Variants in TRABD2B observed in about 807,000 individuals in gnomAD.
TRABD2B encodes the protein TraB domain containing 2B, also known as metalloprotease TIKI2.
Under a neutral mutation model 40.1 loss-of-function variants are expected in TRABD2B, and 14 were observed. The observed-to-expected ratio is 0.35, with a 90% CI of 0.23 to 0.55. The LOEUF (loss-of-function observed/expected upper bound fraction) is 0.55. Ranked by LOEUF, TRABD2B falls within the 20% of genes least tolerant of loss-of-function variation. TRABD2B has a pLI of 0.90. For synonymous variants in TRABD2B, 263 were observed against 277.0 expected (o/e 0.95, Z 0.50); for missense variants, 541 against 648.6 (o/e 0.83, Z 1.80).
At chr1:47,809,490 GC>G (rs1374240514) in intron 2 of TRABD2B, among the ~76,000 whole-genome samples, 2 of 152,210 alleles carry the variant, frequency 1.3e-5, no homozygotes, top group African/African-American at 4.8e-5. Context: ...AGCTGCGCCT[GC>G]TAGACCCTGG....
At chr1:47,905,304 G>T (rs915061779) in intron 2 of TRABD2B, among the ~76,000 whole-genome samples, 1 of 152,222 alleles carries the variant, frequency 6.6e-6, no homozygotes, top group East Asian at 1.9e-4. Flanking sequence ...CTACTATGGC[G>T]TGAGGAGCAA....
intron 2 of TRABD2B, among the ~76,000 whole-genome samples, chr1:47,898,258 C>T (rs548508486): frequency 1.1e-4 from 16 of 152,326 alleles, no homozygotes; most frequent in Non-Finnish European, 2.1e-4. Context: ...CAACCTCCCC[C>T]ATTCCCAGAG....
chr1:47,904,926 TC>T (rs1237617446), intron 2 of TRABD2B, among the ~76,000 whole-genome samples: 1 of 152,204 alleles, frequency 6.6e-6, no homozygotes, highest in East Asian at 1.9e-4. Flanking sequence ...TCAGTATGCC[TC>T]CCTAAAAATT....
chr1:47,914,216 T>A (rs1368715443), intron 2 of TRABD2B, among the ~76,000 whole-genome samples: 2 of 152,244 alleles, frequency 1.3e-5, no homozygotes, highest in Non-Finnish European at 2.9e-5. Context: ...TACAAATACC[T>A]TCCTTTGCAG....
intron 6 of TRABD2B, among the ~76,000 whole-genome samples, chr1:47,767,883 T>C (rs1644326651): frequency 6.6e-6 from 1 of 152,202 alleles, no homozygotes; most frequent in African/African-American, 2.4e-5. Flanking sequence ...GGTGACAGCC[T>C]GTAATCACCA....
At chr1:47,955,274 G>A (rs541031547) in intron 2 of TRABD2B, among the ~76,000 whole-genome samples, 11 of 152,060 alleles carry the variant, frequency 7.2e-5, no homozygotes, top group Admixed American at 3.9e-4. Context: ...ACCTTCTCCC[G>A]CTGTTTCTAG....
At chr1:47,776,043 G>A (rs1335158636) in intron 5 of TRABD2B, among the ~76,000 whole-genome samples, 3 of 152,112 alleles carry the variant, frequency 2.0e-5, no homozygotes, top group African/African-American at 7.2e-5. Context: ...GCTGTGAAAT[G>A]GGGGTGTTGC....
chr1:47,815,760 A>C (rs904837586), intron 2 of TRABD2B, among the ~76,000 whole-genome samples: 3 of 152,132 alleles, frequency 2.0e-5, no homozygotes, highest in African/African-American at 4.8e-5. Context: ...ATGTGTGTGC[A>C]CACATGTGTG....
intron 5 of TRABD2B, among the ~76,000 whole-genome samples, chr1:47,778,203 G>A (rs1422823591): frequency 2.0e-5 from 3 of 152,194 alleles, no homozygotes; most frequent in African/African-American, 7.2e-5. Flanking sequence ...CCCACCATCT[G>A]TAAATCATAA....
intron 2 of TRABD2B, among the ~76,000 whole-genome samples, chr1:47,855,427 G>A (rs907668897): frequency 6.6e-6 from 1 of 152,216 alleles, no homozygotes; most frequent in East Asian, 1.9e-4. Context: ...ATGCACATAT[G>A]TGCATAAACA....
chr1:47,796,310 T>A (rs1644747413), intron 3 of TRABD2B, among the ~76,000 whole-genome samples: 1 of 152,202 alleles, frequency 6.6e-6, no homozygotes. Context: ...CCTCTTCCAC[T>A]TCTCTATCTT....
chr1:47,954,925 G>A (rs759597518), intron 2 of TRABD2B, among the ~76,000 whole-genome samples: 2 of 152,004 alleles, frequency 1.3e-5, no homozygotes, highest in South Asian at 2.1e-4. Context: ...CTGTGGCTTC[G>A]GCTCTGCCCA....
chr1:47,801,728 G>T (rs1644826535), intron 2 of TRABD2B, 109 bp from the exon 3 acceptor site: 1 of 1,347,388 alleles, frequency 7.4e-7, no homozygotes, highest in Admixed American at 2.4e-5. Context: ...CTGAAACAGA[G>T]AAGGTGTGTG....
At chr1:47,802,887 C>A (rs1159818220) in intron 2 of TRABD2B, among the ~76,000 whole-genome samples, 1 of 152,212 alleles carries the variant, frequency 6.6e-6, no homozygotes, top group East Asian at 1.9e-4. Flanking sequence ...CTCCCACCTG[C>A]AGGCTAAAGG....
chr1:47,858,208 ATTTTAT>A (rs1392269353), intron 2 of TRABD2B, among the ~76,000 whole-genome samples: 13 of 1,688 alleles, frequency 7.7e-3, no homozygotes, highest in African/African-American at 9.4e-3. Flanking sequence ...ATTTTACTTT[ATTTTAT>A]TTTATTTTAT....
At chr1:47,768,453 A>G (rs769113549) in intron 6 of TRABD2B, among the ~76,000 whole-genome samples, 5 of 151,964 alleles carry the variant, frequency 3.3e-5, no homozygotes, top group Non-Finnish European at 5.9e-5. Flanking sequence ...TGGTTCTCTC[A>G]ACACATACCA....
At chr1:47,779,369 T>C (rs1644490078) in intron 4 of TRABD2B, among the ~76,000 whole-genome samples, 1 of 152,208 alleles carries the variant, frequency 6.6e-6, no homozygotes, top group African/African-American at 2.4e-5. Flanking sequence ...CTGGCCTCCA[T>C]GTCAGTCCCC....
intron 2 of TRABD2B, among the ~76,000 whole-genome samples, chr1:47,841,171 A>G (rs1645391420): frequency 6.6e-6 from 1 of 152,146 alleles, no homozygotes. Flanking sequence ...CTCTCTCTCC[A>G]TAGCAGTAAA....
At chr1:47,995,923 C>T (rs1646084494) in intron 1 of TRABD2B, among the ~76,000 whole-genome samples, 1 of 152,168 alleles carries the variant, frequency 6.6e-6, no homozygotes, top group South Asian at 2.1e-4. Context: ...CAGCCAGACC[C>T]TATGGTCTCC....
Sources: allele counts gnomAD v4.1 joint callset (sites outside exome capture counted in the v4.1 genomes callset), GRCh38; gene constraint gnomAD v4.1.1; transcripts MANE v1.5; gene names NCBI Gene and HGNC (gene_info 2026-07-23, HGNC 2026-07-21).